Variants in ARHGAP5 observed in about 807,000 individuals in gnomAD.
The protein encoded by ARHGAP5 is Rho GTPase activating protein 5.
Under a neutral mutation model 116.6 loss-of-function variants are expected in ARHGAP5, and 23 were observed. The ratio of observed to expected loss-of-function variants is 0.20; its 90% CI spans 0.14 to 0.28. The LOEUF is 0.28. ARHGAP5 is among the 10% of genes least tolerant of loss of function. ARHGAP5 has a pLI of 1.00. For missense variants in ARHGAP5, 1,405 were observed against 1,774.8 expected (o/e 0.79, Z 3.74); for synonymous variants, 574 against 602.0 (o/e 0.95, Z 0.68).
intron 2 of ARHGAP5, among the ~76,000 whole-genome samples, chr14:32,096,183 G>T (rs935461056): frequency 1.3e-5 from 2 of 152,008 alleles, no homozygotes; most frequent in South Asian, 4.2e-4. Flanking sequence ...GGAGATAGTG[G>T]ACTCTTTTTG....
At position 32,153,986 on chromosome 14, in the gene ARHGAP5, A is replaced by G. The variant is rs970578122; in HGVS notation, c.4182-635A>G. ...GAAAATTAGCCTGATATTAGTGTCA[A>G]ACACCTATGGTAGTAATTTTTCCAA... On this transcript the variant is annotated intron_variant, in intron 6 of 6. Transcript: ENST00000345122. The G allele has an allele frequency of 5.3e-5, 8 of 152,288 alleles. No individual in the cohort carries two copies. In the South Asian group the frequency reaches 1.2e-3, roughly 24 times the overall value. The allele number at this position is 152,288 out of a possible 1,614,324, so 9.4% of individuals were successfully genotyped here. A position where few individuals can be genotyped will look rare whatever the true frequency, so the allele number is the denominator to read the frequency against.
chr14:32,118,838 A>C (rs185657476), intron 3 of ARHGAP5, among the ~76,000 whole-genome samples: 1 of 152,220 alleles, frequency 6.6e-6, no homozygotes, highest in African/African-American at 2.4e-5. Flanking sequence ...TTGAAAAGCA[A>C]TAATAAAATT....
At chr14:32,111,677 A>G (rs1345416997) in intron 2 of ARHGAP5, among the ~76,000 whole-genome samples, 1 of 152,106 alleles carries the variant, frequency 6.6e-6, no homozygotes, top group African/African-American at 2.4e-5. Context: ...TAAGAATGAT[A>G]TAGCAGGAAA....
chr14:32,153,446 A>AAAAAAAAAAAT (rs1881748200), intron 6 of ARHGAP5, among the ~76,000 whole-genome samples: 3 of 99,928 alleles, frequency 3.0e-5, no homozygotes, highest in Non-Finnish European at 4.0e-5. Context: ...AAAAAAAAAA[A>AAAAAAAAAAAT]GATTGTTTTA....
At position 32,092,312 on chromosome 14, in the gene ARHGAP5, T is replaced by A; in HGVS notation, c.1643T>A (p.Phe548Tyr). The A allele has an allele frequency of 1.2e-6, 2 of 1,613,826 alleles. No individual in the cohort carries two copies. Among genetic ancestry groups the A allele is most frequent in the Non-Finnish European group, 1.7e-6 (2 of 1,179,828 alleles). Residue 548 changes from phenylalanine (F) to tyrosine (Y), a missense_variant, in exon 2 of 7, where the codon TTT (phenylalanine) becomes TAT (tyrosine). Transcript: ENST00000345122. This position sits in a 1 kb window ranked among gnomAD's most constrained non-coding sequence, Gnocchi z 4.1. ...TCCCTTCTACTTAAGCATATAGGAT[T>A]TGTTTATCATCCCACTAAAGAAACA... ...RESLLLKHIGFVYHPTKETCL... is the reference protein window; with the variant it reads ...RESLLLKHIGYVYHPTKETCL...
intron 1 of ARHGAP5, among the ~76,000 whole-genome samples, chr14:32,090,187 G>A (rs976342804): frequency 4.6e-5 from 7 of 151,972 alleles, no homozygotes; most frequent in African/African-American, 1.7e-4. Flanking sequence ...AATTAAGGGA[G>A]TGGAAAGGAC....
rs769004437 is a variant in ARHGAP5, at chr14:32,094,071, A to G, written c.3402A>G (p.Glu1134=). 5.7e-5 allele frequency: 92 copies of G among 1,614,010 alleles called. No individual in the cohort carries two copies. Among genetic ancestry groups the G allele is most frequent in the Non-Finnish European group, 7.4e-5 (87 of 1,180,026 alleles). ...TAAATAACACCCAAGGAGATGAAGA[A>G]AATGGGTTTTCTGATAGAACCTCAA... ...SFVNNTQGDE[E]NGFSDRTSKS... is the part of the protein sequence containing the mutation. Residue 1134 remains glutamate (E), a synonymous_variant, in exon 2 of 7, where the codon GAA becomes GAG. Coordinates refer to ENST00000345122, the MANE Select transcript of ARHGAP5 (RefSeq NM_001030055.2).
intron 1 of ARHGAP5, among the ~76,000 whole-genome samples, chr14:32,081,120 CT>C (rs2138994219): frequency 6.6e-6 from 1 of 152,212 alleles, no homozygotes; most frequent in African/African-American, 2.4e-5. Context: ...CTTAAAAGAT[CT>C]TTTAACTTCT....
intron 3 of ARHGAP5, among the ~76,000 whole-genome samples, chr14:32,128,616 C>T (rs772385146): frequency 7.9e-5 from 12 of 152,358 alleles, no homozygotes; most frequent in East Asian, 3.9e-4. Flanking sequence ...CTGGGCTCGC[C>T]GCGCCTGGCC....
At chr14:32,118,105 A>G (rs1879698421) in intron 3 of ARHGAP5, among the ~76,000 whole-genome samples, 1 of 152,200 alleles carries the variant, frequency 6.6e-6, no homozygotes, top group African/African-American at 2.4e-5. Context: ...CTAAAAAATC[A>G]TGCTCATTTT....
chr14:32,081,919 A>G (rs957071648), intron 1 of ARHGAP5, among the ~76,000 whole-genome samples: 2 of 152,190 alleles, frequency 1.3e-5, no homozygotes, highest in Non-Finnish European at 2.9e-5. Context: ...TTTTGGTACC[A>G]GGGACTGGTT....
intron 4 of ARHGAP5, among the ~76,000 whole-genome samples, chr14:32,147,165 C>G (rs749761447): frequency 2.0e-5 from 3 of 151,990 alleles, no homozygotes; most frequent in Admixed American, 6.6e-5. Flanking sequence ...AAAATGAAAA[C>G]CATAAGTACT....
chr14:32,125,633 A>G (rs960615240), intron 3 of ARHGAP5, among the ~76,000 whole-genome samples: 7 of 152,194 alleles, frequency 4.6e-5, no homozygotes, highest in African/African-American at 1.7e-4. Context: ...GTTGTTGCCA[A>G]CACTTGTATG....
In ARHGAP5 at chr14:32,157,663, C is replaced by T. The variant is rs1421751786; in HGVS notation, c.*2715C>T. 6.6e-6 allele frequency: 1 copy of T among 151,730 alleles called. No homozygotes were observed. The highest frequency in any genetic ancestry group is 2.4e-5 in the African/African-American group (1 of 41,398). 9.4% of individuals were successfully genotyped at this position (151,730 alleles called of 1,614,324 possible). ...TAATTTAAGAATAAAATTCCAGGCA[C>T]AATATATTTTTTTTAAATGGTATTT... On this transcript the variant is annotated 3_prime_UTR_variant, in exon 7 of 7. Transcript: ENST00000345122.
intron 3 of ARHGAP5, among the ~76,000 whole-genome samples, chr14:32,133,555 C>A (rs1341274245): frequency 1.3e-5 from 2 of 152,072 alleles, no homozygotes; most frequent in African/African-American, 4.8e-5. Flanking sequence ...CCTCTTTTTC[C>A]TAATTGAATA....
At chr14:32,077,969 C>T (rs1321684664) in intron 1 of ARHGAP5, among the ~76,000 whole-genome samples, 1 of 152,170 alleles carries the variant, frequency 6.6e-6, no homozygotes, top group Non-Finnish European at 1.5e-5. Flanking sequence ...CTCGACTCCT[C>T]CCTGGGTTCT....
At position 32,077,388 on chromosome 14, in the gene ARHGAP5, C is replaced by T. The variant is rs2041715234; in HGVS notation, c.-216C>T. On this transcript the variant is annotated 5_prime_UTR_variant, in exon 1 of 7. Transcript: ENST00000345122. Reference sequence around the variant, plus strand: ...GGAATGTCGCTGCCGCCGCCACCGCCGGGGCCGCTGCCGTTGAGGAGGAGA... The same window carrying T: ...GGAATGTCGCTGCCGCCGCCACCGCTGGGGCCGCTGCCGTTGAGGAGGAGA... The T allele has an allele frequency of 2.9e-6, 2 of 701,464 alleles. No individual in the cohort carries two copies. The highest frequency in any genetic ancestry group is 3.5e-5 in the African/African-American group (2 of 56,928). 43.5% of individuals were successfully genotyped at this position (701,464 alleles called of 1,614,324 possible).
chr14:32,115,999 A>G (rs1162123845), intron 2 of ARHGAP5, among the ~76,000 whole-genome samples: 1 of 151,594 alleles, frequency 6.6e-6, no homozygotes, highest in South Asian at 2.1e-4. Context: ...CGTCTAAAAA[A>G]AAAAGCTACT....
intron 3 of ARHGAP5, among the ~76,000 whole-genome samples, chr14:32,118,683 C>G (rs1415885190): frequency 6.6e-6 from 1 of 152,080 alleles, no homozygotes; most frequent in Non-Finnish European, 1.5e-5. Context: ...GTCTATATTT[C>G]TGTCCACCTT....
Sources: gnomAD v4.1 joint callset for allele counts (sites outside exome capture counted in the v4.1 genomes callset) on GRCh38, gnomAD v4.1.1 for gene constraint, Gnocchi (gnomAD v3.1) non-coding constraint, MANE v1.5 for transcripts, NCBI Gene and HGNC (gene_info 2026-07-23, HGNC 2026-07-21) for gene names.